FADS2: variants seen among roughly 807,000 people sequenced by gnomAD.
The protein encoded by FADS2 is acyl-CoA 6-desaturase.
Under a neutral mutation model 61.2 loss-of-function variants are expected in FADS2, and 18 were observed. The ratio of observed to expected loss-of-function variants is 0.29; its 90% confidence interval spans 0.20 to 0.44. FADS2 has a LOEUF of 0.44. Ranked by LOEUF, FADS2 falls within the 20% of genes least tolerant of loss-of-function variation. The pLI, the probability that FADS2 is intolerant of heterozygous loss-of-function variation, is 1.00. For missense variants in FADS2, 322 were observed against 572.7 expected, an observed-to-expected ratio of 0.56 and a Z score of 4.47; for synonymous variants, 203 against 223.9, an observed-to-expected ratio of 0.91 and a Z score of 0.83.
chr11:61,857,115 C>T, intron 6 of FADS2, 44 bp downstream of exon 6: 2 of 1,501,096 alleles, frequency 1.3e-6, no homozygotes, highest in East Asian at 2.3e-5. Flanking sequence ...CCCTCCCCTC[C>T]CCCCAGAGTG....
chr11:61,845,949 A>G (rs2067255148), intron 4 of FADS2, among the ~76,000 whole-genome samples: 2 of 152,120 alleles, frequency 1.3e-5, no homozygotes, highest in African/African-American at 4.8e-5. Flanking sequence ...TGTTTGTTCA[A>G]TAAACATCTC....
intron 10 of FADS2, 61 bp downstream of exon 10, chr11:61,863,847 C>A: frequency 1.5e-6 from 2 of 1,321,330 alleles, no homozygotes; most frequent in Non-Finnish European, 2.2e-6. Flanking sequence ...GGCCGCTATC[C>A]CACTGGGCAG....
At chr11:61,819,774 G>T (rs2067023304) in intron 1 of FADS2, among the ~76,000 whole-genome samples, 1 of 151,944 alleles carries the variant, frequency 6.6e-6, no homozygotes, top group East Asian at 1.9e-4. Context: ...ATGGAGGTTT[G>T]TTACATATGT....
chr11:61,830,394 A>G (rs2067119207), intron 1 of FADS2, among the ~76,000 whole-genome samples: 1 of 152,236 alleles, frequency 6.6e-6, no homozygotes, highest in Admixed American at 6.5e-5. Flanking sequence ...ACCATATCAG[A>G]TTGATTTATT....
intron 4 of FADS2, among the ~76,000 whole-genome samples, chr11:61,842,193 G>A (rs778112668): frequency 5.9e-5 from 9 of 152,220 alleles, no homozygotes; most frequent in East Asian, 1.9e-4. Flanking sequence ...TTGGCTTGCC[G>A]GCTGCAGATC....
At chr11:61,863,214 A>T in intron 8 of FADS2, 68 bp from the exon 9 acceptor site, 1 of 1,469,374 alleles carries the variant, frequency 6.8e-7, no homozygotes, top group South Asian at 1.1e-5. Flanking sequence ...GCTGGTTGGG[A>T]GAGTGGATCT....
chr11:61,854,582 C>CTA (rs2067339185), intron 5 of FADS2: 1 of 152,390 alleles, frequency 6.6e-6, no homozygotes, highest in South Asian at 2.1e-4. Context: ...ACTCACCCCC[C>CTA]TAGCTTGCTA....
chr11:61,816,662 C>A lies in FADS2; in HGVS notation c.141+236C>A. 1 of 1,598,718 alleles carries A rather than the reference C, an allele frequency of 6.3e-7. No individual in the cohort carries two copies. Among genetic ancestry groups the A allele is most frequent in the South Asian group, 1.1e-5 (1 of 88,732 alleles). On this transcript the variant is annotated intron_variant, in intron 1 of 11. Transcript: ENST00000257261. The surrounding 1 kb of genome is among the most constrained non-coding windows in gnomAD (Gnocchi z 7.0). ...TTACGGTCGATCACTAGCCACCGCT[C>A]CTCGCACCCTGAGCGCTGGGCCACC...
intron 4 of FADS2, 133 bp from the exon 5 acceptor site, chr11:61,848,026 G>A (rs369896136): frequency 1.9e-6 from 2 of 1,027,784 alleles, no homozygotes. Context: ...CTGGATTCTG[G>A]CCTTGTGGGG....
intron 1 of FADS2, among the ~76,000 whole-genome samples, chr11:61,834,304 TG>T (rs1292884103): frequency 6.6e-6 from 1 of 152,152 alleles, no homozygotes; most frequent in Non-Finnish European, 1.5e-5. Context: ...GTGTGGCACG[TG>T]AGAAAAGAGT....
Position 61,820,827 on chromosome 11 carries a change from G to A in FADS2, c.141+4401G>A, listed in dbSNP as rs184446032. On this transcript the variant is annotated intron_variant, in intron 1 of 11. Transcript: ENST00000257261. ...AGGCAGGAGAATCGCTTGAACCCAGGAGGCAAAGGTTGCAGTGAGCCGAGA... is the reference window on the plus strand; with the variant it reads ...AGGCAGGAGAATCGCTTGAACCCAGAAGGCAAAGGTTGCAGTGAGCCGAGA... 3.3e-3 allele frequency among the ~76,000 whole-genome samples: 508 copies of A among 152,238 alleles called. 2 individuals carry two copies. The highest frequency in any genetic ancestry group is 0.027 in the Middle Eastern group (8 of 294).
Position 61,828,363 on chromosome 11 carries a change from G to A in FADS2, c.-28G>A, listed in dbSNP as rs1429394357. 2 of 1,549,228 alleles carry A rather than the reference G, an allele frequency of 1.3e-6. No homozygotes were observed. The highest frequency in any genetic ancestry group is 1.7e-6 in the Non-Finnish European group (2 of 1,147,310). ...GCAGCCGGCGCGGGGAGGCCGCAGTGCACGGGGCGTCACAGTCGGCAGGCA... is the reference window on the plus strand; with the variant it reads ...GCAGCCGGCGCGGGGAGGCCGCAGTACACGGGGCGTCACAGTCGGCAGGCA... On this transcript the variant is annotated 5_prime_UTR_variant, in exon 1 of 12. Coordinates refer to ENST00000278840, the MANE Select transcript of FADS2 (RefSeq NM_004265.4). The surrounding 1 kb of genome is among the most constrained non-coding windows in gnomAD (Gnocchi z 6.4).
rs1591179179 is a variant in FADS2, at chr11:61,857,345, A to G, written c.806-109A>G. ...CCGGGGTCCCTGGCTGCTTCTGCCCACGTCTGCAGGGCTGGCCCCTGCACT... is the reference window on the plus strand; with the variant it reads ...CCGGGGTCCCTGGCTGCTTCTGCCCGCGTCTGCAGGGCTGGCCCCTGCACT... On this transcript the variant is annotated intron_variant, in intron 6 of 11. Coordinates refer to ENST00000278840, the MANE Select transcript of FADS2 (RefSeq NM_004265.4). 5.8e-6 allele frequency: 6 copies of G among 1,034,516 alleles called. No homozygotes were observed. In the African/African-American group the frequency reaches 7.9e-5, roughly 14 times the overall value. 64.1% of individuals were successfully genotyped at this position (1,034,516 alleles called of 1,614,324 possible).
rs1239817639 is a variant in FADS2 at position 61,840,318 on chromosome 11, T to C, written c.319-16T>C. The C allele has an allele frequency of 6.2e-7, 1 of 1,611,556 alleles. No individual in the cohort carries two copies. The highest frequency in any genetic ancestry group is 1.1e-5 in the South Asian group (1 of 91,006). On this transcript the variant is annotated splice_polypyrimidine_tract_variant and intron_variant, in intron 2 of 11. Coordinates refer to ENST00000278840, the MANE Select transcript of FADS2 (RefSeq NM_004265.4). ...GGCTGGTGGCTGACTCCTTTCCCTG[T>C]GCTCTTGGTCAACAGTCAAAGATCA...
upstream of FADS2, among the ~76,000 whole-genome samples, chr11:61,823,336 G>A (rs2067047662): frequency 6.6e-6 from 1 of 152,202 alleles, no homozygotes; most frequent in South Asian, 2.1e-4. Context: ...GGACCTGCTA[G>A]TCCACCTACT....
At chr11:61,864,299 G>C (rs1396003409) in intron 10 of FADS2, 1 of 152,500 alleles carries the variant, frequency 6.6e-6, no homozygotes, top group African/African-American at 2.4e-5. Context: ...GAACGCCTGA[G>C]CTAAAGTCAT....
chr11:61,828,001 A>T (rs2067097131), upstream of FADS2: 43 of 1,098,222 alleles, frequency 3.9e-5, no homozygotes, highest in Non-Finnish European at 4.8e-5. The surrounding 1 kb of genome is among the most constrained non-coding windows in gnomAD (Gnocchi z 6.4). Flanking sequence ...ATCGCTGTGG[A>T]AACTCGGGCG....
At chr11:61,830,586 A>G (rs2067120595) in intron 1 of FADS2, among the ~76,000 whole-genome samples, 1 of 152,214 alleles carries the variant, frequency 6.6e-6, no homozygotes. Context: ...CGCTTTCTGT[A>G]TAACTTTCAT....
At chr11:61,828,134 G>A, upstream of FADS2, 1 of 1,382,016 alleles carries the variant, frequency 7.2e-7, no homozygotes. The surrounding 1 kb of genome is among the most constrained non-coding windows in gnomAD (Gnocchi z 6.4). Flanking sequence ...TAGCGGGAGG[G>A]CTGAGGGAGG....
Sources: gnomAD v4.1 joint callset for allele counts (sites outside exome capture counted in the v4.1 genomes callset) on GRCh38, gnomAD v4.1.1 for gene constraint, Gnocchi (gnomAD v3.1) non-coding constraint, MANE v1.5 for transcripts, NCBI Gene and HGNC (gene_info 2026-07-23, HGNC 2026-07-21) for gene names.